Variants in UBFD1 observed in about 807,000 individuals in gnomAD.
UBFD1 encodes ubiquitin domain-containing protein UBFD1.
UBFD1 carries 12 observed loss-of-function variants against 35.1 expected under a neutral mutation model. The observed-to-expected ratio is 0.34, with a 90% CI of 0.22 to 0.55. The LOEUF is 0.55. Among genes scored for constraint, UBFD1 ranks in the 20% least tolerant of loss-of-function variants. The pLI, the probability that UBFD1 is intolerant of heterozygous loss-of-function variation, is 0.89. For missense variants in UBFD1, 337 were observed against 410.8 expected (o/e 0.82, Z 1.55); for synonymous variants, 178 against 167.6 (o/e 1.06, Z -0.48).
intron 6 of UBFD1, among the ~76,000 whole-genome samples, chr16:23,568,347 A>T (rs1161464898): frequency 1.3e-5 from 2 of 150,762 alleles, no homozygotes; most frequent in Non-Finnish European, 3.0e-5. Context: ...TTTAGTAGAG[A>T]TGGGGTTTCA....
At chr16:23,562,333 T>G (rs1398501476) in intron 4 of UBFD1, 62 bp downstream of exon 4, 1 of 1,484,154 alleles carries the variant, frequency 6.7e-7, no homozygotes, top group Non-Finnish European at 9.3e-7. Context: ...TGACTTGAGG[T>G]TCCTCCAATC....
At position 23,557,778 on chromosome 16, in the gene UBFD1, C is replaced by CG. The variant is rs1156245642; in HGVS notation, c.25+16dup. On this transcript the variant is annotated intron_variant, in intron 1 of 6. Transcript: ENST00000395878. ...CCGGGGCCCCGGATGGTGAGTGCGG[C>CG]GGGGGTGGCGGGCGCCGGGCCGGGG... 2.4e-5 allele frequency: 31 copies of CG among 1,277,894 alleles called. No individual in the cohort carries two copies. In the Middle Eastern group the frequency reaches 1.2e-3, roughly 49 times the overall value. 79.2% of individuals were successfully genotyped at this position (1,277,894 alleles called of 1,614,324 possible).
intron 5 of UBFD1, among the ~76,000 whole-genome samples, chr16:23,563,212 C>T (rs1181849602): frequency 1.3e-5 from 2 of 152,110 alleles, no homozygotes; most frequent in African/African-American, 4.8e-5. Context: ...TTCATGGTCC[C>T]ATTTATCTTA....
At chr16:23,561,913 G>A (rs1965940674) in intron 3 of UBFD1, 1 of 284,460 alleles carries the variant, frequency 3.5e-6, no homozygotes, top group Admixed American at 5.3e-5. Flanking sequence ...CTATCCACAT[G>A]TGGCTGGTTA....
intron 5 of UBFD1, among the ~76,000 whole-genome samples, chr16:23,563,860 C>T (rs1164788530): frequency 6.6e-6 from 1 of 152,198 alleles, no homozygotes. Context: ...ATGCCTTTTT[C>T]CCATTCCTTG....
rs1486315479 is a variant in UBFD1, at chr16:23,557,941, C to G, written c.26-9C>G. 7.4e-7 allele frequency: 1 copy of G among 1,342,656 alleles called. No individual in the cohort carries two copies. Among genetic ancestry groups the G allele is most frequent in the African/African-American group, 1.5e-5 (1 of 66,004 alleles). 83.2% of individuals were successfully genotyped at this position (1,342,656 alleles called of 1,614,324 possible). ...CGCGGCGAGCGCCCACCCCCTAACC[C>G]CCTTGCAGGCATGGAGGAACCTGGC... On this transcript the variant is annotated splice_polypyrimidine_tract_variant and intron_variant, in intron 1 of 6. Transcript: ENST00000395878.
At chr16:23,559,406 A>G in intron 2 of UBFD1, 62 bp from the exon 3 acceptor site, 1 of 1,445,790 alleles carries the variant, frequency 6.9e-7, no homozygotes, top group Non-Finnish European at 9.5e-7. Flanking sequence ...AGAGCTGTGT[A>G]GTATCCATAC....
chr16:23,570,466 T>C lies in UBFD1; in HGVS notation c.820-14T>C. ...CCTCTGAAGTACCGCTTGGTTTTCC[T>C]TTTTCCCTTCCAGGCGTTTCAGTTG... On this transcript the variant is annotated splice_polypyrimidine_tract_variant and intron_variant, in intron 6 of 6. Coordinates refer to ENST00000395878, the MANE Select transcript of UBFD1 (RefSeq NM_019116.3). 2 of 1,603,576 alleles carry C rather than the reference T, an allele frequency of 1.2e-6. No individual in the cohort carries two copies. The highest frequency in any genetic ancestry group is 1.7e-6 in the Non-Finnish European group (2 of 1,171,774).
Position 23,572,786 on chromosome 16 carries a change from A to G in UBFD1, c.*2196A>G, listed in dbSNP as rs1254522550. On this transcript the variant is annotated 3_prime_UTR_variant, in exon 7 of 7. Coordinates refer to ENST00000395878, the MANE Select transcript of UBFD1 (RefSeq NM_019116.3). ...GCTTTTTTCCTTACTTCGAGATACT[A>G]TATATAAATAATAATGTAAATGACA... 1 of 152,824 alleles carries G rather than the reference A, an allele frequency of 6.5e-6. No homozygotes were observed. Among genetic ancestry groups the G allele is most frequent in the Non-Finnish European group, 1.5e-5 (1 of 68,030 alleles). 9.5% of individuals were successfully genotyped at this position (152,824 alleles called of 1,614,324 possible).
At chr16:23,570,331 G>T in intron 6 of UBFD1, 149 bp from the exon 7 acceptor site, 1 of 630,478 alleles carries the variant, frequency 1.6e-6, no homozygotes, top group Non-Finnish European at 2.8e-6. Flanking sequence ...TTTGTTTTTG[G>T]TTGGGAGAAT....
intron 3 of UBFD1, among the ~76,000 whole-genome samples, chr16:23,561,269 A>G (rs1352788603): frequency 6.6e-6 from 1 of 152,210 alleles, no homozygotes; most frequent in Non-Finnish European, 1.5e-5. Context: ...TCCCAGAGGG[A>G]TTCCACCATG....
At position 23,573,805 on chromosome 16, in the gene UBFD1, C is replaced by T. The variant is rs1343459169; in HGVS notation, c.*3215C>T. The T allele has an allele frequency of 6.6e-6, 1 of 152,602 alleles. No homozygotes were observed. The highest frequency in any genetic ancestry group is 1.5e-5 in the Non-Finnish European group (1 of 68,056). 9.5% of individuals were successfully genotyped at this position (152,602 alleles called of 1,614,324 possible). On this transcript the variant is annotated 3_prime_UTR_variant, in exon 7 of 7. Coordinates refer to ENST00000395878, the MANE Select transcript of UBFD1 (RefSeq NM_019116.3). ...AGCCATTCTGGGCTCTTGCACTTGC[C>T]CAGCCTTTCTTTGCCAGGGGCAGAG...
intron 5 of UBFD1, among the ~76,000 whole-genome samples, chr16:23,562,991 G>A (rs953465971): frequency 2.6e-5 from 4 of 152,174 alleles, no homozygotes; most frequent in African/African-American, 4.8e-5. Flanking sequence ...TCCCAAACAC[G>A]TGGCCCAAGG....
chr16:23,564,689 T>C (rs1965985912), intron 5 of UBFD1: 1 of 152,184 alleles, frequency 6.6e-6, no homozygotes, highest in South Asian at 2.1e-4. Flanking sequence ...GACCCTGCCA[T>C]GAAGATAGGT....
chr16:23,573,300 A>G lies in UBFD1; in HGVS notation c.*2710A>G, dbSNP rs1966111492. The G allele has an allele frequency of 2.0e-5, 3 of 152,250 alleles. No homozygotes were observed. The highest frequency in any genetic ancestry group is 4.1e-4 in the South Asian group (2 of 4,822). 9.4% of individuals were successfully genotyped at this position (152,250 alleles called of 1,614,324 possible). A position where few individuals can be genotyped will look rare whatever the true frequency, so the allele number is the denominator to read the frequency against. On this transcript the variant is annotated 3_prime_UTR_variant, in exon 7 of 7. Coordinates refer to ENST00000395878, the MANE Select transcript of UBFD1 (RefSeq NM_019116.3). ...TGGAGGGGGTGGCCGTCTCTTAGAC[A>G]TTGGACACCTCTCAGAGCCTCCTGA...
rs1018942365 is a variant in UBFD1, at chr16:23,563,215, T to C, written c.736+485T>C. 2.0e-5 allele frequency among the ~76,000 whole-genome samples: 3 copies of C among 152,216 alleles called. No homozygotes were observed. In the South Asian group the frequency reaches 6.2e-4, roughly 32 times the overall value. On this transcript the variant is annotated intron_variant, in intron 5 of 6. Transcript: ENST00000395878. Reference sequence around the variant, plus strand: ...CATACTACAGTCTTCATGGTCCCATTTATCTTAGAAGTAGCCAGCTTTGTT... The same window carrying C: ...CATACTACAGTCTTCATGGTCCCATCTATCTTAGAAGTAGCCAGCTTTGTT...
chr16:23,558,392 C>A, intron 2 of UBFD1, 113 bp downstream of exon 2: 1 of 1,326,926 alleles, frequency 7.5e-7, no homozygotes, highest in Non-Finnish European at 1.0e-6. Flanking sequence ...ATCCTTACAG[C>A]AGTCTTCTGA....
intron 3 of UBFD1, 91 bp downstream of exon 3, chr16:23,559,767 C>G (rs1277815534): frequency 6.4e-7 from 1 of 1,571,088 alleles, no homozygotes; most frequent in South Asian, 1.2e-5. Flanking sequence ...GAATAAGCTC[C>G]TTTTTGGACA....
At chr16:23,568,325 A>C (rs1444094407) in intron 6 of UBFD1, among the ~76,000 whole-genome samples, 1 of 150,748 alleles carries the variant, frequency 6.6e-6, no homozygotes, top group Non-Finnish European at 1.5e-5. Flanking sequence ...ACACCCAGCT[A>C]ATTTTTGTAT....
Sources: gnomAD v4.1 joint callset for allele counts (sites outside exome capture counted in the v4.1 genomes callset) on GRCh38, gnomAD v4.1.1 for gene constraint, MANE v1.5 for transcripts, NCBI Gene and HGNC (gene_info 2026-07-23, HGNC 2026-07-21) for gene names.